METTL6: variants seen among roughly 807,000 people sequenced by gnomAD.
METTL6 encodes methyltransferase 6, tRNA N3-cytidine.
A neutral mutation model predicts 26.4 loss-of-function variants in METTL6; 22 were observed. That is an observed-to-expected ratio of 0.83 (90% CI 0.59 to 1.19). The LOEUF (loss-of-function observed/expected upper bound fraction) is 1.19. Ranked by LOEUF, METTL6 falls within the 50% of genes most tolerant of loss-of-function variation. The pLI is 0.00. For missense variants in METTL6, 304 were observed against 324.8 expected (o/e 0.94, Z 0.49); for synonymous variants, 109 against 116.2 (o/e 0.94, Z 0.40).
chr3:15,415,883 A>G lies in METTL6; in HGVS notation c.420T>C (p.Asp140=). The change falls in exon 4 of 6, where the codon GAT becomes GAC. Residue 140 remains aspartate (D), a synonymous_variant. Transcript: ENST00000383790. ...CTGGCGGTACATGATCCAGAAGATC[A>G]TCTTTAGTCAGATCACACTGGAATA... The part of the protein sequence containing the change: ...CKVFQCDLTK[D]DLLDHVPPES... The G allele has an allele frequency of 6.2e-7, 1 of 1,614,198 alleles. No homozygotes were observed. The highest frequency in any genetic ancestry group is 8.5e-7 in the Non-Finnish European group (1 of 1,180,036).
At chr3:15,405,150 G>A (rs1054966596), downstream of METTL6, among the ~76,000 whole-genome samples, 9 of 152,174 alleles carry the variant, frequency 5.9e-5, no homozygotes, top group Non-Finnish European at 1.2e-4. Context: ...AAGTACAAAG[G>A]GGTATTTACT....
At position 15,391,360 on chromosome 3, in the gene METTL6, G is replaced by A. The variant is rs925830451; in HGVS notation, c.*12-7173C>T. On this transcript the variant is annotated intron_variant, in intron 6 of 6. Coordinates refer to the METTL6 transcript ENST00000443029. ...AGCCCTTCTGTATCAATGGCAGCGGGGGAGATGTGATCTAGCCAATCTCCA... is the reference window on the plus strand; with the variant it reads ...AGCCCTTCTGTATCAATGGCAGCGGAGGAGATGTGATCTAGCCAATCTCCA... Among the ~76,000 whole-genome samples, 3 of 152,190 alleles carry A rather than the reference G, an allele frequency of 2.0e-5. No individual in the cohort carries two copies. The East Asian group carries it at 5.8e-4, about 29-fold the overall frequency.
At chr3:15,386,905 A>T (rs1699215471) in intron 6 of METTL6, among the ~76,000 whole-genome samples, 1 of 151,878 alleles carries the variant, frequency 6.6e-6, no homozygotes, top group Admixed American at 6.6e-5. Flanking sequence ...GCGATTCTCC[A>T]GCCTTGCCTC....
At chr3:15,384,832 A>AT (rs1699151874) in intron 6 of METTL6, among the ~76,000 whole-genome samples, 1 of 152,140 alleles carries the variant, frequency 6.6e-6, no homozygotes, top group Non-Finnish European at 1.5e-5. Flanking sequence ...CAAAGAACCA[A>AT]TTTTTGCCCC....
At chr3:15,426,209 G>C in intron 2 of METTL6, 78 bp downstream of exon 2, 1 of 1,409,100 alleles carries the variant, frequency 7.1e-7, no homozygotes, top group Non-Finnish European at 9.9e-7. Context: ...CAAGTACTGG[G>C]ATTACAGGCA....
At chr3:15,419,133 T>A (rs76619163) in intron 3 of METTL6, among the ~76,000 whole-genome samples, 10,786 of 151,628 alleles carry the variant, frequency 0.071, 491 homozygotes, top group African/African-American at 0.12. Context: ...TACTCCAGCC[T>A]AGGTGACACA....
Position 15,424,962 on chromosome 3 carries a change from T to TATTC in METTL6, c.349_352dup (p.Tyr118Ter). The stretch of plus-strand genomic sequence containing the variant: ...CATAGATGGTGCACCAACCTTAACA[T>TATTC]ATTCAATGGCTCTTGGAGAAAAATC... On this transcript the variant is annotated stop_gained and frameshift_variant, in exon 3 of 6. Transcript: ENST00000383790. LOFTEE classifies it high-confidence loss of function. The TATTC allele has an allele frequency of 1.9e-6, 3 of 1,614,102 alleles. No individual in the cohort carries two copies. Among genetic ancestry groups the TATTC allele is most frequent in the Non-Finnish European group, 2.5e-6 (3 of 1,180,022 alleles).
chr3:15,412,355 C>CAG (rs1284245619), intron 5 of METTL6, among the ~76,000 whole-genome samples: 1 of 152,230 alleles, frequency 6.6e-6, no homozygotes, highest in African/African-American at 2.4e-5. Flanking sequence ...AGCATTGCTC[C>CAG]AGAGAACGTG....
Position 15,411,275 on chromosome 3 carries a change from C to G in METTL6, c.836G>C (p.Gly279Ala). ...PPKNPSPVVL[G>A]LDPKS ...GAAAGGTCAGGACTTAGGATCCAGG[C>G]CCAGGACCACAGGAGATGGGTTCTT... is the stretch of plus-strand genomic sequence containing the variant. Residue 279 changes from glycine to alanine, a missense_variant, in exon 6 of 6, where the codon GGC becomes GCC. By Grantham distance (60) the Gly-to-Ala change is moderately conservative. Transcript: ENST00000383790. The G allele has an allele frequency of 6.2e-7, 1 of 1,613,812 alleles. No individual in the cohort carries two copies. Among genetic ancestry groups the G allele is most frequent in the Non-Finnish European group, 8.5e-7 (1 of 1,179,900 alleles).
intron 6 of METTL6, among the ~76,000 whole-genome samples, chr3:15,388,832 C>A (rs1699265703): frequency 6.6e-6 from 1 of 152,158 alleles, no homozygotes; most frequent in African/African-American, 2.4e-5. Flanking sequence ...AAATTATAAA[C>A]TACTTTTCTC....
chr3:15,396,052 A>T (rs1448565560), intron 6 of METTL6, among the ~76,000 whole-genome samples: 1 of 152,092 alleles, frequency 6.6e-6, no homozygotes, highest in Admixed American at 6.6e-5. Flanking sequence ...GCCTTGCTAG[A>T]TTGGGGAAGT....
chr3:15,403,433 G>A (rs540758223), intron 6 of METTL6, among the ~76,000 whole-genome samples: 1 of 152,182 alleles, frequency 6.6e-6, no homozygotes, highest in African/African-American at 2.4e-5. Context: ...TACGTGTCAT[G>A]TTCTCATCTC....
chr3:15,408,423 C>G (rs1699859170), downstream of METTL6, among the ~76,000 whole-genome samples: 1 of 152,140 alleles, frequency 6.6e-6, no homozygotes, highest in East Asian at 1.9e-4. Context: ...CCTCTGAACA[C>G]TTTTAAGTTA....
intron 3 of METTL6, among the ~76,000 whole-genome samples, chr3:15,424,094 C>T (rs2061667422): frequency 6.6e-6 from 1 of 152,014 alleles, no homozygotes; most frequent in African/African-American, 2.4e-5. Flanking sequence ...GTGAAAGAAT[C>T]GCTTAAGCCC....
rs745533522 is a variant in METTL6 at position 15,410,820 on chromosome 3, G to A, written c.*436C>T. Among the ~76,000 whole-genome samples the A allele has an allele frequency of 2.6e-5, 4 of 152,116 alleles. No homozygotes were observed. The highest frequency in any genetic ancestry group is 4.4e-5 in the Non-Finnish European group (3 of 68,024). On this transcript the variant is annotated 3_prime_UTR_variant, in exon 6 of 6. Transcript: ENST00000383790. ...GGGGAGGTCGAGGCTACAATGAGCT[G>A]TGATCACACACCACTGCACTCCAGC... is the stretch of plus-strand genomic sequence containing the variant.
intron 6 of METTL6, among the ~76,000 whole-genome samples, chr3:15,401,036 T>C (rs1039118135): frequency 1.5e-4 from 23 of 151,568 alleles, no homozygotes; most frequent in Admixed American, 6.6e-5. Context: ...ATCAGTTTTG[T>C]ATTTTCTTCT....
chr3:15,384,281 C>A, intron 6 of METTL6: 1 of 255,394 alleles, frequency 3.9e-6, no homozygotes. Context: ...ACCTCATGTG[C>A]TCAGAGCTTC....
rs1293905975 is a variant in METTL6, at chr3:15,416,556, G to T, written c.361-614C>A. 3.3e-5 allele frequency among the ~76,000 whole-genome samples: 5 copies of T among 152,102 alleles called. No homozygotes were observed. The East Asian group carries it at 7.7e-4, about 23-fold the overall frequency. On this transcript the variant is annotated intron_variant, in intron 3 of 5. Transcript: ENST00000383790. The stretch of plus-strand genomic sequence containing the variant: ...AGGCATGAGCCACTATGTCCTGCTG[G>T]CCTCTGGCTTCCTTAATCCTCCTTT...
chr3:15,420,111 C>T (rs1207913118), intron 3 of METTL6, among the ~76,000 whole-genome samples: 2 of 152,112 alleles, frequency 1.3e-5, no homozygotes, highest in African/African-American at 4.8e-5. Flanking sequence ...CTGCCCACCT[C>T]GGCCTCTCAA....
Sources: gnomAD v4.1 joint callset for allele counts (sites outside exome capture counted in the v4.1 genomes callset) on GRCh38, gnomAD v4.1.1 for gene constraint, MANE v1.5 for transcripts, NCBI Gene and HGNC (gene_info 2026-07-23, HGNC 2026-07-21) for gene names.